HAVCR2: variants seen among roughly 807,000 people sequenced by gnomAD.
HAVCR2 encodes the protein hepatitis A virus cellular receptor 2, also known as T cell immunoglobulin mucin 3.
A neutral mutation model predicts 24.7 loss-of-function variants in HAVCR2; 13 were observed. The observed-to-expected ratio is 0.53, with a 90% confidence interval of 0.34 to 0.84. HAVCR2 has a LOEUF of 0.84. Among genes scored for constraint, HAVCR2 ranks in the 40% least tolerant of loss-of-function variants. HAVCR2 has a pLI of 0.01. For missense variants in HAVCR2, 343 were observed against 371.2 expected (o/e 0.92, Z 0.62); for synonymous variants, 154 against 143.4 (o/e 1.07, Z -0.53).
intron 3 of HAVCR2, 21 bp from the exon 4 acceptor site, chr5:157,098,922 AG>A: frequency 6.2e-7 from 1 of 1,609,042 alleles, no homozygotes; most frequent in South Asian, 1.1e-5. Context: ...AGAGAGAGAG[AG>A]AGAGAGAGGA....
At chr5:157,088,278 A>C (rs564401768) in intron 6 of HAVCR2, among the ~76,000 whole-genome samples, 45 of 152,326 alleles carry the variant, frequency 3.0e-4, no homozygotes, top group African/African-American at 1.1e-3. Context: ...AAAGTCTAAA[A>C]TCTAGTAAGT....
At chr5:157,105,718 T>G (rs1222593148) in intron 2 of HAVCR2, among the ~76,000 whole-genome samples, 1 of 152,176 alleles carries the variant, frequency 6.6e-6, no homozygotes, top group Non-Finnish European at 1.5e-5. Context: ...ATAGAAATCT[T>G]AAGTCTGTTC....
In HAVCR2 at chr5:157,098,880, C is replaced by A; in HGVS notation, c.500G>T (p.Ser167Ile). The A allele has an allele frequency of 1.2e-6, 2 of 1,613,096 alleles. No individual in the cohort carries two copies. Among genetic ancestry groups the A allele is most frequent in the Non-Finnish European group, 1.7e-6 (2 of 1,179,322 alleles). The change falls in exon 4 of 7, where the codon AGC becomes ATC. Residue 167 changes from serine to isoleucine, a missense_variant. Transcript: ENST00000307851. ...TACTGTTAGATTTATATCAGGGAGG[C>A]TCCCCAGTGTCTGTGTCTCTGCTAT... ...HGPAETQTLG[S>I]LPDINLTQIS...
chr5:157,087,310 G>A lies in HAVCR2; in HGVS notation c.714-16C>T. 1 of 1,593,836 alleles carries A rather than the reference G, an allele frequency of 6.3e-7. No homozygotes were observed. The highest frequency in any genetic ancestry group is 8.5e-7 in the Non-Finnish European group (1 of 1,172,396). On this transcript the variant is annotated splice_polypyrimidine_tract_variant and intron_variant, in intron 6 of 6. Transcript: ENST00000307851. ...AGAGATGAGGCTGTGGAAATAAAGTGTTGCGGTTGAGTTAAGCATTTCCCA... is the reference window on the plus strand; with the variant it reads ...AGAGATGAGGCTGTGGAAATAAAGTATTGCGGTTGAGTTAAGCATTTCCCA...
intron 5 of HAVCR2, among the ~76,000 whole-genome samples, chr5:157,090,579 C>T (rs190571757): frequency 3.1e-4 from 47 of 152,034 alleles, no homozygotes; most frequent in African/African-American, 1.0e-3. Context: ...GGGTGAATCT[C>T]AATATGTTGC....
chr5:157,107,583 C>T (rs1684080824), intron 1 of HAVCR2, among the ~76,000 whole-genome samples: 1 of 152,158 alleles, frequency 6.6e-6, no homozygotes, highest in African/African-American at 2.4e-5. Flanking sequence ...CAAACTCATT[C>T]AGTCAAAGGG....
At chr5:157,107,453 A>C (rs1757269751) in intron 1 of HAVCR2, among the ~76,000 whole-genome samples, 1 of 152,216 alleles carries the variant, frequency 6.6e-6, no homozygotes, top group Non-Finnish European at 1.5e-5. Flanking sequence ...TTCTCTTTTT[A>C]AGCAGCAAGT....
intron 6 of HAVCR2, among the ~76,000 whole-genome samples, chr5:157,087,609 G>T (rs1246747844): frequency 1.3e-5 from 2 of 152,046 alleles, no homozygotes; most frequent in African/African-American, 4.8e-5. Flanking sequence ...TACACATTTA[G>T]ATTTTCAAAA....
chr5:157,106,557 C>A, intron 2 of HAVCR2, 70 bp downstream of exon 2: 1 of 1,344,774 alleles, frequency 7.4e-7, no homozygotes, highest in Non-Finnish European at 1.0e-6. Flanking sequence ...GAGATGAGAA[C>A]AATCAGTACC....
intron 4 of HAVCR2, among the ~76,000 whole-genome samples, chr5:157,098,144 C>T (rs1033786165): frequency 4.0e-5 from 6 of 151,828 alleles, no homozygotes; most frequent in African/African-American, 1.2e-4. Flanking sequence ...CCATGGCTCA[C>T]GCCTGCAATC....
intron 3 of HAVCR2, among the ~76,000 whole-genome samples, 194 bp from the exon 4 acceptor site, chr5:157,099,095 T>C (rs1057325088): frequency 2.0e-5 from 3 of 152,164 alleles, no homozygotes; most frequent in Non-Finnish European, 2.9e-5. Flanking sequence ...GAATCAACTT[T>C]AGGATGGCCA....
intron 3 of HAVCR2, among the ~76,000 whole-genome samples, chr5:157,100,818 C>T (rs1254193083): frequency 6.6e-6 from 1 of 152,070 alleles, no homozygotes; most frequent in Non-Finnish European, 1.5e-5. Flanking sequence ...AACCACAGGC[C>T]TGGTGCAGTG....
Position 157,106,572 on chromosome 5 carries a change from A to G in HAVCR2, c.394+55T>C, listed in dbSNP as rs1465975801. The G allele has an allele frequency of 7.6e-6, 11 of 1,445,884 alleles. No individual in the cohort carries two copies. The East Asian group carries it at 2.0e-4, about 27-fold the overall frequency. The allele number at this position is 1,445,884 out of a possible 1,614,324, so 89.6% of individuals were successfully genotyped here. A position where few individuals can be genotyped will look rare whatever the true frequency, so the allele number is the denominator to read the frequency against. ...GAGATGAGAACAATCAGTACCTTTA[A>G]TATGATCCACAGATAAATCTTATTC... is the stretch of plus-strand genomic sequence containing the variant. On this transcript the variant is annotated intron_variant, in intron 2 of 6. Transcript: ENST00000307851.
intron 3 of HAVCR2, among the ~76,000 whole-genome samples, chr5:157,104,319 A>G (rs919747): frequency 0.86 from 131,091 of 152,186 alleles, 56,588 homozygotes; most frequent in East Asian, 0.99. Context: ...ACACAGACTG[A>G]CACCAGTTCA....
In HAVCR2 at chr5:157,106,642, A is replaced by G. The variant is rs748135930; in HGVS notation, c.379T>C (p.Leu127=). 6.2e-7 allele frequency: 1 copy of G among 1,614,126 alleles called. No homozygotes were observed. Among genetic ancestry groups the G allele is most frequent in the South Asian group, 1.1e-5 (1 of 91,078 alleles). Residue 127 remains leucine, a synonymous_variant, in exon 2 of 7, where the codon TTG becomes CTG. Coordinates refer to ENST00000307851, the MANE Select transcript of HAVCR2 (RefSeq NM_032782.5). ...IMNDEKFNLK[L]VIKPAKVTPA... is the part of the protein sequence containing the mutation. ...GTCCACTCACCTGGTTTGATGACCAACTTCAGGTTAAATTTTTCATCATTC... is the reference window on the plus strand; with the variant it reads ...GTCCACTCACCTGGTTTGATGACCAGCTTCAGGTTAAATTTTTCATCATTC...
chr5:157,088,319 T>C (rs1756943274), intron 6 of HAVCR2, among the ~76,000 whole-genome samples: 1 of 152,200 alleles, frequency 6.6e-6, no homozygotes, highest in South Asian at 2.1e-4. Context: ...GAAATGGATG[T>C]GTGGGTGTGT....
chr5:157,095,505 G>A (rs369829515), intron 4 of HAVCR2, 46 bp from the exon 5 acceptor site: 17 of 1,606,394 alleles, frequency 1.1e-5, no homozygotes, highest in African/African-American at 5.4e-5. Flanking sequence ...GCTAGAAATC[G>A]CTTGTGTAAT....
At chr5:157,101,330 T>G (rs1401273352) in intron 3 of HAVCR2, among the ~76,000 whole-genome samples, 1 of 152,166 alleles carries the variant, frequency 6.6e-6, no homozygotes, top group South Asian at 2.1e-4. Context: ...CCAACCAAGA[T>G]GGATGGGACA....
intron 3 of HAVCR2, 62 bp downstream of exon 3, chr5:157,104,604 T>C (rs995548020): frequency 8.4e-7 from 1 of 1,189,682 alleles, no homozygotes; most frequent in Non-Finnish European, 1.2e-6. Flanking sequence ...TTTTCCCACA[T>C]TCAAAATCCT....
Sources: allele counts gnomAD v4.1 joint callset (sites outside exome capture counted in the v4.1 genomes callset), GRCh38; gene constraint gnomAD v4.1.1; transcripts MANE v1.5; gene names NCBI Gene and HGNC (gene_info 2026-07-23, HGNC 2026-07-21).